Variants in SLC35F1 observed in about 807,000 individuals in gnomAD.
SLC35F1 encodes the protein solute carrier family 35 member F1.
In SLC35F1, 14 loss-of-function variants were observed where a neutral mutation model predicts 48.7. That is an observed-to-expected ratio of 0.29 (90% CI 0.19 to 0.45). The LOEUF (loss-of-function observed/expected upper bound fraction) is 0.45, where lower values mean the gene tolerates loss of function less well. Among genes scored for constraint, SLC35F1 ranks in the 20% least tolerant of loss-of-function variants. The pLI is 1.00. For synonymous variants in SLC35F1, 190 were observed against 202.2 expected, an observed-to-expected ratio of 0.94 and a Z score of 0.51; for missense variants, 404 against 500.0, an observed-to-expected ratio of 0.81 and a Z score of 1.83.
chr6:117,911,425 C>CCCTTCCTT (rs1195699234), intron 1 of SLC35F1, among the ~76,000 whole-genome samples: 2 of 122,490 alleles, frequency 1.6e-5, no homozygotes, highest in Non-Finnish European at 3.3e-5. Flanking sequence ...CTCCCTCCCT[C>CCCTTCCTT]CCTTCCTTCC....
intron 1 of SLC35F1, among the ~76,000 whole-genome samples, chr6:117,918,587 G>A (rs1775856297): frequency 6.6e-6 from 1 of 152,178 alleles, no homozygotes; most frequent in Non-Finnish European, 1.5e-5. Flanking sequence ...TTTGTACAAA[G>A]AGAAGTGGGA....
intron 1 of SLC35F1, among the ~76,000 whole-genome samples, chr6:118,115,520 G>A (rs1244692221): frequency 1.3e-5 from 2 of 152,144 alleles, no homozygotes; most frequent in African/African-American, 4.8e-5. Flanking sequence ...CTTTTGGGGG[G>A]TTTCCCACCA....
intron 1 of SLC35F1, among the ~76,000 whole-genome samples, chr6:118,006,448 C>A (rs1777175882): frequency 6.6e-6 from 1 of 151,974 alleles, no homozygotes; most frequent in African/African-American, 2.4e-5. Flanking sequence ...GAGACCCCAT[C>A]TCTACAAAAA....
chr6:117,960,468 AG>A (rs902556097), intron 1 of SLC35F1, among the ~76,000 whole-genome samples: 5 of 152,002 alleles, frequency 3.3e-5, no homozygotes, highest in African/African-American at 4.8e-5. Flanking sequence ...CTAAAGAATC[AG>A]GGGGAGGATT....
At chr6:118,020,332 CTTA>C (rs1427278158) in intron 1 of SLC35F1, among the ~76,000 whole-genome samples, 1 of 152,262 alleles carries the variant, frequency 6.6e-6, no homozygotes, top group East Asian at 1.9e-4. Flanking sequence ...CTGTGCTGTA[CTTA>C]TTATACAGAA....
chr6:118,058,444 A>T (rs575646490), intron 1 of SLC35F1, among the ~76,000 whole-genome samples: 3 of 151,732 alleles, frequency 2.0e-5, no homozygotes, highest in Non-Finnish European at 4.4e-5. Flanking sequence ...CTATTTTCTC[A>T]TTTCTTTTTT....
chr6:117,970,775 T>C (rs902235795), intron 1 of SLC35F1, among the ~76,000 whole-genome samples: 10 of 152,178 alleles, frequency 6.6e-5, no homozygotes, highest in Non-Finnish European at 2.9e-5. Flanking sequence ...TTGTGAGACT[T>C]ATTCACTGTC....
chr6:118,072,274 G>A (rs1772743091), intron 1 of SLC35F1, among the ~76,000 whole-genome samples: 1 of 152,088 alleles, frequency 6.6e-6, no homozygotes, highest in Non-Finnish European at 1.5e-5. Flanking sequence ...ATAAAAATTA[G>A]AGGATTTTGA....
At chr6:118,250,936 G>A (rs1013771698) in intron 3 of SLC35F1, among the ~76,000 whole-genome samples, 4 of 151,958 alleles carry the variant, frequency 2.6e-5, no homozygotes, top group African/African-American at 7.3e-5. Flanking sequence ...CTACACTCCA[G>A]CATGGGTGAC....
intron 1 of SLC35F1, among the ~76,000 whole-genome samples, chr6:118,020,623 C>T (rs969696121): frequency 1.3e-5 from 2 of 152,152 alleles, no homozygotes; most frequent in Admixed American, 1.3e-4. Flanking sequence ...ATTGATTTCT[C>T]AAATGTGACA....
At chr6:118,137,282 G>A (rs1422733620) in intron 1 of SLC35F1, among the ~76,000 whole-genome samples, 2 of 152,200 alleles carry the variant, frequency 1.3e-5, no homozygotes, top group African/African-American at 4.8e-5. Context: ...AAGAGGAGTT[G>A]TTAAGGATGC....
rs115702944 is a variant in SLC35F1 at position 118,050,676 on chromosome 6, T to A, written c.174-103769T>A. 9.3e-3 allele frequency among the ~76,000 whole-genome samples: 1,414 copies of A among 152,164 alleles called. 25 individuals are homozygous for A. Among genetic ancestry groups the A allele is most frequent in the African/African-American group, 0.033 (1,360 of 41,530 alleles). On this transcript the variant is annotated intron_variant, in intron 1 of 7. Transcript: ENST00000360388. ...GAACTGAAAGAAATTCCCTGTTGAA[T>A]CCTAGGTGAGAAGGGGAATGGGGAC...
At chr6:118,270,872 G>A (rs546126235) in intron 4 of SLC35F1, among the ~76,000 whole-genome samples, 5 of 152,150 alleles carry the variant, frequency 3.3e-5, no homozygotes, top group Non-Finnish European at 7.4e-5. Context: ...GATATAAAAG[G>A]CAAGGTTAGA....
rs184329150 is a variant in SLC35F1, at chr6:118,055,226, A to G, written c.174-99219A>G. On this transcript the variant is annotated intron_variant, in intron 1 of 7. Coordinates refer to ENST00000360388, the MANE Select transcript of SLC35F1 (RefSeq NM_001029858.4). ...TCTACTTTAAATTTTGAATGGATAC[A>G]TGCATTCTTGAGGATGTTATGTTTA... Among the ~76,000 whole-genome samples the G allele has an allele frequency of 5.3e-5, 8 of 152,304 alleles. No individual in the cohort carries two copies. In the East Asian group the frequency reaches 1.5e-3, roughly 29 times the overall value.
chr6:118,058,085 C>T (rs1772487741), intron 1 of SLC35F1, among the ~76,000 whole-genome samples: 1 of 152,032 alleles, frequency 6.6e-6, no homozygotes, highest in African/African-American at 2.4e-5. Context: ...GAAAGTAATA[C>T]AATGTCTCTT....
chr6:118,280,705 G>A (rs892842626), intron 6 of SLC35F1, among the ~76,000 whole-genome samples: 4 of 151,734 alleles, frequency 2.6e-5, no homozygotes, highest in Non-Finnish European at 4.4e-5. Context: ...TGGTGAAACC[G>A]TGCCTCTACT....
chr6:117,907,883 C>T lies in SLC35F1; in HGVS notation c.157C>T (p.Arg53Cys). ...SSRAGVRQRI[R>C]KVLNREMLIS... ...CCGGGCTGGCGTGCGCCAGAGGATCCGCAAAGTGCTGAACAGGTGAGCGGC... is the reference window on the plus strand; with the variant it reads ...CCGGGCTGGCGTGCGCCAGAGGATCTGCAAAGTGCTGAACAGGTGAGCGGC... The change falls in exon 1 of 8, where the codon CGC becomes TGC. Residue 53 changes from arginine (R) to cysteine (C), a missense_variant. This residue lies in a region of SLC35F1 where 98 missense variants were observed against 81.0 expected (regional missense o/e 1.21). Transcript: ENST00000360388. The T allele has an allele frequency of 6.7e-6, 10 of 1,492,484 alleles. No individual in the cohort carries two copies. The highest frequency in any genetic ancestry group is 8.8e-6 in the Non-Finnish European group (10 of 1,131,398). The allele number at this position is 1,492,484 out of a possible 1,614,324, so 92.5% of individuals were successfully genotyped here. A position where few individuals can be genotyped will look rare whatever the true frequency, so the allele number is the denominator to read the frequency against.
At chr6:117,966,870 G>T (rs968439564) in intron 1 of SLC35F1, among the ~76,000 whole-genome samples, 1 of 152,160 alleles carries the variant, frequency 6.6e-6, no homozygotes, top group East Asian at 1.9e-4. Flanking sequence ...CTGAGGTATT[G>T]AGAGTTAGGA....
At chr6:118,234,498 C>A (rs1198764073) in intron 2 of SLC35F1, among the ~76,000 whole-genome samples, 2 of 152,184 alleles carry the variant, frequency 1.3e-5, no homozygotes, top group African/African-American at 4.8e-5. Flanking sequence ...GGTCCCTCCC[C>A]AGTCATTTCT....
Sources: allele counts gnomAD v4.1 joint callset (sites outside exome capture counted in the v4.1 genomes callset), GRCh38; gene constraint gnomAD v4.1.1; regional missense constraint gnomAD v4.1.1; transcripts MANE v1.5; gene names NCBI Gene and HGNC (gene_info 2026-07-23, HGNC 2026-07-21).